The following SOX5 variants were observed in gnomAD, a reference collection of about 807,000 sequenced individuals.
SOX5 encodes transcription factor SOX-5.
A neutral mutation model predicts 92.0 loss-of-function variants in SOX5; 9 were observed. The ratio of observed to expected loss-of-function variants is 0.10; its 90% CI spans 0.06 to 0.17. The LOEUF (loss-of-function observed/expected upper bound fraction) is 0.17, where lower values mean the gene tolerates loss of function less well. Ranked by LOEUF, SOX5 falls within the 10% of genes least tolerant of loss-of-function variation. SOX5 has a pLI of 1.00. For synonymous variants in SOX5, 344 were observed against 336.3 expected, an observed-to-expected ratio of 1.02 and a Z score of -0.25; for missense variants, 642 against 944.5, an observed-to-expected ratio of 0.68 and a Z score of 4.20.
At chr12:23,805,007 A>G (rs976838381) in intron 3 of SOX5, among the ~76,000 whole-genome samples, 8 of 134,796 alleles carry the variant, frequency 5.9e-5, no homozygotes, top group African/African-American at 1.1e-4. Context: ...GTAACTTTCT[A>G]TGTGACAAGG....
At chr12:23,988,943 A>G (rs1950301336) in intron 4 of SOX5, among the ~76,000 whole-genome samples, 1 of 152,212 alleles carries the variant, frequency 6.6e-6, no homozygotes, top group African/African-American at 2.4e-5. Context: ...TACAAGATGA[A>G]TAGTGTTTTC....
At chr12:24,155,430 A>G (rs1952067286) in intron 4 of SOX5, among the ~76,000 whole-genome samples, 1 of 152,008 alleles carries the variant, frequency 6.6e-6, no homozygotes, top group African/African-American at 2.4e-5. Context: ...CATTGTTTCC[A>G]TAATTTTGCT....
At chr12:23,635,724 G>C (rs2079139690) in intron 8 of SOX5, among the ~76,000 whole-genome samples, 1 of 152,068 alleles carries the variant, frequency 6.6e-6, no homozygotes. Flanking sequence ...ATGCATAGTG[G>C]AGAGTGCATT....
intron 1 of SOX5, among the ~76,000 whole-genome samples, chr12:24,551,338 T>A (rs1412972335): frequency 3.2e-4 from 1 of 3,148 alleles, no homozygotes; most frequent in East Asian, 7.1e-3. Flanking sequence ...AAAGCACTGC[T>A]TGGTGACAGA....
At position 24,297,574 on chromosome 12, in the gene SOX5, C is replaced by T. The variant is rs180968894; in HGVS notation, c.-173-20262G>A. Among the ~76,000 whole-genome samples, 4 of 152,330 alleles carry T rather than the reference C, an allele frequency of 2.6e-5. No individual in the cohort carries two copies. The East Asian group carries it at 7.7e-4, about 29-fold the overall frequency. On this transcript the variant is annotated intron_variant, in intron 2 of 4. Coordinates refer to the SOX5 transcript ENST00000446891. ...TTGCTTCAAATAATGAACAGATCCT[C>T]CATAGCTGGCAAATGACTCAACAAG...
intron 1 of SOX5, among the ~76,000 whole-genome samples, chr12:24,476,318 C>G (rs982876319): frequency 1.3e-5 from 2 of 152,084 alleles, no homozygotes; most frequent in Non-Finnish European, 2.9e-5. Context: ...GTGTTTTCTA[C>G]CAGCCTTAGT....
At chr12:24,141,975 C>A (rs1304262109) in intron 4 of SOX5, among the ~76,000 whole-genome samples, 1 of 152,138 alleles carries the variant, frequency 6.6e-6, no homozygotes, top group African/African-American at 2.4e-5. Flanking sequence ...ACAAAGTCTG[C>A]TTGAGGTTTC....
intron 1 of SOX5, among the ~76,000 whole-genome samples, chr12:23,946,444 A>G (rs1014154945): frequency 6.6e-6 from 1 of 151,996 alleles, no homozygotes; most frequent in Admixed American, 6.6e-5. Context: ...AAAGAAATAG[A>G]ATATTGAGAA....
Position 23,984,886 on chromosome 12 carries a change from C to A in SOX5, c.-1-88862G>T, listed in dbSNP as rs903078124. Among the ~76,000 whole-genome samples, 3 of 152,190 alleles carry A rather than the reference C, an allele frequency of 2.0e-5. No homozygotes were observed. The South Asian group carries it at 6.2e-4, about 32-fold the overall frequency. On this transcript the variant is annotated intron_variant, in intron 4 of 4. Transcript: ENST00000446891. ...TAATTGTAATTAGTATATTAACTTT[C>A]TTTGTAAATATATGATTTTAACCCA...
At chr12:24,035,881 G>A in intron 4 of SOX5, among the ~76,000 whole-genome samples, 1 of 151,890 alleles carries the variant, frequency 6.6e-6, no homozygotes, top group Non-Finnish European at 1.5e-5. Context: ...GTAAAACTTT[G>A]CATCCATGTC....
intron 4 of SOX5, among the ~76,000 whole-genome samples, chr12:24,068,738 A>G (rs1592853391): frequency 1.1e-5 from 1 of 90,698 alleles, no homozygotes; most frequent in South Asian, 3.1e-4. Flanking sequence ...ATATATATAT[A>G]TATATATATA....
At chr12:24,384,623 A>G (rs1214693800) in intron 1 of SOX5, among the ~76,000 whole-genome samples, 2 of 152,228 alleles carry the variant, frequency 1.3e-5, no homozygotes, top group Admixed American at 6.5e-5. Context: ...AAAGAAGGAA[A>G]ATGAAGTTAA....
At chr12:24,544,705 T>A (rs1295010447) in intron 1 of SOX5, among the ~76,000 whole-genome samples, 2 of 152,216 alleles carry the variant, frequency 1.3e-5, no homozygotes, top group East Asian at 3.8e-4. Context: ...CTAATTTTTC[T>A]TCAGTTCACT....
intron 4 of SOX5, among the ~76,000 whole-genome samples, chr12:23,979,853 G>T (rs942766503): frequency 5.3e-5 from 8 of 149,534 alleles, no homozygotes; most frequent in Admixed American, 6.7e-5. Flanking sequence ...AAGTAACTAG[G>T]ACTACAGGCA....
At chr12:23,956,683 T>TA (rs1294477486) in intron 4 of SOX5, among the ~76,000 whole-genome samples, 2 of 127,888 alleles carry the variant, frequency 1.6e-5, no homozygotes, top group Non-Finnish European at 3.7e-5. Flanking sequence ...CTTGCCTAAG[T>TA]CTTTTTTTTT....
intron 2 of SOX5, among the ~76,000 whole-genome samples, chr12:23,880,666 A>T (rs1227996701): frequency 6.6e-6 from 1 of 152,110 alleles, no homozygotes; most frequent in East Asian, 1.9e-4. Flanking sequence ...TAACCTGGTT[A>T]CCTCTATATA....
At chr12:23,559,186 ACT>A (rs1945770180) in intron 11 of SOX5, among the ~76,000 whole-genome samples, 1 of 152,204 alleles carries the variant, frequency 6.6e-6, no homozygotes, top group South Asian at 2.1e-4. Flanking sequence ...TCTGTACTTG[ACT>A]CTATGAACAA....
intron 3 of SOX5, among the ~76,000 whole-genome samples, chr12:23,835,094 C>G (rs2096390842): frequency 6.6e-6 from 1 of 151,664 alleles, no homozygotes; most frequent in African/African-American, 2.4e-5. Context: ...CATTTATGAC[C>G]ACTGCTGGAC....
At chr12:24,536,865 T>G (rs58253847) in intron 1 of SOX5, among the ~76,000 whole-genome samples, 7 of 152,186 alleles carry the variant, frequency 4.6e-5, no homozygotes, top group Admixed American at 2.6e-4. Context: ...TCCACCTATA[T>G]TAGGGAAAAA....
Sources: allele counts gnomAD v4.1 joint callset (sites outside exome capture counted in the v4.1 genomes callset), GRCh38; gene constraint gnomAD v4.1.1; transcripts MANE v1.5; gene names NCBI Gene and HGNC (gene_info 2026-07-23, HGNC 2026-07-21).